Variants in WWC2 observed in about 807,000 individuals in gnomAD.
WWC2 encodes protein WWC2.
WWC2 carries 101 observed loss-of-function variants against 138.5 expected under a neutral mutation model. That is an observed-to-expected ratio of 0.73 (90% confidence interval 0.62 to 0.86). The LOEUF (loss-of-function observed/expected upper bound fraction) is 0.86, where lower values mean the gene tolerates loss of function less well. Ranked by LOEUF, WWC2 falls within the 40% of genes least tolerant of loss-of-function variation. The pLI, the probability that WWC2 is intolerant of heterozygous loss-of-function variation, is 0.00. For synonymous variants in WWC2, 558 were observed against 538.4 expected (o/e 1.04, Z -0.50); for missense variants, 1,420 against 1,419.4 (o/e 1.00, Z -0.01).
intron 5 of WWC2, among the ~76,000 whole-genome samples, chr4:183,241,103 C>T (rs1343146430): frequency 6.6e-6 from 1 of 152,156 alleles, no homozygotes; most frequent in Non-Finnish European, 1.5e-5. Flanking sequence ...GTTAAAACTT[C>T]CCTCCTGCTT....
At chr4:183,219,191 G>A (rs769622337) in intron 4 of WWC2, among the ~76,000 whole-genome samples, 53 of 152,122 alleles carry the variant, frequency 3.5e-4, no homozygotes, top group Non-Finnish European at 7.1e-4. Context: ...AGGAAGAAGA[G>A]AAAGGAGTTA....
chr4:183,296,507 G>A (rs1462391013), intron 21 of WWC2, among the ~76,000 whole-genome samples: 1 of 152,144 alleles, frequency 6.6e-6, no homozygotes, highest in Admixed American at 6.5e-5. Context: ...ACTCTCCTTT[G>A]TAAAATAGTG....
At position 183,159,607 on chromosome 4, in the gene WWC2, G is replaced by GT. The variant is rs569258353; in HGVS notation, c.132-33990dup. 7.4e-4 allele frequency among the ~76,000 whole-genome samples: 112 copies of GT among 151,570 alleles called. 1 individual carries two copies. Among genetic ancestry groups the GT allele is most frequent in the African/African-American group, 2.4e-3 (100 of 41,310 alleles). ...TTCAGTAGAGACCAGTTTTTGTCAT[G>GT]TTGCCTAGGCTTGTCTTGAACTCCT... is the stretch of plus-strand genomic sequence containing the variant. On this transcript the variant is annotated intron_variant, in intron 1 of 22. Coordinates refer to ENST00000403733, the MANE Select transcript of WWC2 (RefSeq NM_024949.6).
At chr4:183,106,195 G>T (rs1037077126) in intron 1 of WWC2, among the ~76,000 whole-genome samples, 5 of 151,908 alleles carry the variant, frequency 3.3e-5, no homozygotes, top group Non-Finnish European at 7.4e-5. Context: ...TGTTGGCCAG[G>T]CTAGTCTCGA....
At chr4:183,141,535 G>A (rs1733299207) in intron 1 of WWC2, among the ~76,000 whole-genome samples, 1 of 152,104 alleles carries the variant, frequency 6.6e-6, no homozygotes, top group Admixed American at 6.6e-5. Flanking sequence ...CAAATATATA[G>A]CATCCTCTAA....
At chr4:183,212,407 T>G (rs1735623544) in intron 4 of WWC2, among the ~76,000 whole-genome samples, 1 of 152,190 alleles carries the variant, frequency 6.6e-6, no homozygotes, top group South Asian at 2.1e-4. Context: ...GTCAAATGCC[T>G]TGGTACTGTA....
At position 183,259,656 on chromosome 4, in the gene WWC2, GAAGAA is replaced by G; in HGVS notation, c.1219_1223del (p.Lys407AlafsTer6). The G allele has an allele frequency of 6.5e-7, 1 of 1,542,924 alleles. No individual in the cohort carries two copies. Among genetic ancestry groups the G allele is most frequent in the Non-Finnish European group, 8.7e-7 (1 of 1,144,442 alleles). ...CTTCCTAGATTGAGATTGGAAGAGA[GAAGAA>G]AAGAGCTGCTACAGAAACTTGAAGA... On this transcript the variant is annotated frameshift_variant, in exon 10 of 23. Coordinates refer to ENST00000403733, the MANE Select transcript of WWC2 (RefSeq NM_024949.6). LOFTEE classifies it high-confidence loss of function.
chr4:183,117,206 A>G (rs1732438714), intron 1 of WWC2, among the ~76,000 whole-genome samples: 1 of 144,380 alleles, frequency 6.9e-6, no homozygotes, highest in Non-Finnish European at 1.5e-5. Context: ...GCTCTTCCAC[A>G]TTCTTCTTCT....
chr4:183,163,086 G>A (rs1033601166), intron 1 of WWC2, among the ~76,000 whole-genome samples: 3 of 152,170 alleles, frequency 2.0e-5, no homozygotes, highest in African/African-American at 7.2e-5. Flanking sequence ...AAAGCTGTAA[G>A]ACTTTCTTCA....
chr4:183,226,525 CTA>C (rs917973327), intron 4 of WWC2, among the ~76,000 whole-genome samples: 5 of 151,928 alleles, frequency 3.3e-5, no homozygotes, highest in Non-Finnish European at 2.9e-5. Context: ...CTAATAATAA[CTA>C]AGCTTTGCAT....
chr4:183,243,317 C>G (rs886819861), intron 5 of WWC2, among the ~76,000 whole-genome samples: 2 of 152,172 alleles, frequency 1.3e-5, no homozygotes, highest in Admixed American at 1.3e-4. Flanking sequence ...TCAGATATCC[C>G]TATTACTACC....
intron 21 of WWC2, among the ~76,000 whole-genome samples, chr4:183,304,067 C>T (rs2111106416): frequency 6.6e-6 from 1 of 152,062 alleles, no homozygotes; most frequent in East Asian, 1.9e-4. Context: ...TCTGGTCCAA[C>T]ATATAAGGAG....
At chr4:183,273,307 T>C (rs962716135) in intron 16 of WWC2, among the ~76,000 whole-genome samples, 6 of 152,116 alleles carry the variant, frequency 3.9e-5, no homozygotes, top group African/African-American at 1.4e-4. Flanking sequence ...TAATTTATTA[T>C]CATTATTTTC....
At chr4:183,146,901 A>G (rs1249733092) in intron 1 of WWC2, among the ~76,000 whole-genome samples, 2 of 152,342 alleles carry the variant, frequency 1.3e-5, no homozygotes, top group East Asian at 3.9e-4. Flanking sequence ...TTAGTCAATC[A>G]TGGGAGGGTA....
At chr4:183,163,068 G>A (rs2111144275) in intron 1 of WWC2, among the ~76,000 whole-genome samples, 1 of 152,306 alleles carries the variant, frequency 6.6e-6, no homozygotes, top group South Asian at 2.1e-4. Context: ...ACAAAAAGAG[G>A]GTAGAGCAAA....
Position 183,227,859 on chromosome 4 carries a change from G to A in WWC2, c.523-12324G>A, listed in dbSNP as rs1736116785. On this transcript the variant is annotated intron_variant, in intron 4 of 22. Transcript: ENST00000403733. ...CAGACAAAATTTGAGAGTAATGTAT[G>A]GCATCAGTTGTTCACTATATTACTA... is the stretch of plus-strand genomic sequence containing the variant. 4.6e-5 allele frequency among the ~76,000 whole-genome samples: 7 copies of A among 152,048 alleles called. No homozygotes were observed. The South Asian group carries it at 1.2e-3, about 27-fold the overall frequency.
At chr4:183,166,793 C>G (rs552353766) in intron 1 of WWC2, among the ~76,000 whole-genome samples, 1 of 152,240 alleles carries the variant, frequency 6.6e-6, no homozygotes, top group Admixed American at 6.5e-5. Flanking sequence ...AAGGTAAGAT[C>G]AAATACTTTG....
At chr4:183,235,357 A>G (rs957416124) in intron 4 of WWC2, among the ~76,000 whole-genome samples, 1 of 152,192 alleles carries the variant, frequency 6.6e-6, no homozygotes, top group African/African-American at 2.4e-5. Flanking sequence ...TTCTTTTGTA[A>G]TAACACTTAA....
intron 9 of WWC2, among the ~76,000 whole-genome samples, chr4:183,258,717 C>G (rs889193570): frequency 9.2e-5 from 14 of 152,100 alleles, no homozygotes; most frequent in African/African-American, 3.4e-4. Flanking sequence ...AAAGTAAGAC[C>G]CTTGATTCAG....
Sources: allele counts gnomAD v4.1 joint callset (sites outside exome capture counted in the v4.1 genomes callset), GRCh38; gene constraint gnomAD v4.1.1; transcripts MANE v1.5; gene names NCBI Gene and HGNC (gene_info 2026-07-23, HGNC 2026-07-21).